The following CPEB2 variants were observed in gnomAD, a reference collection of about 807,000 sequenced individuals.
The protein encoded by CPEB2 is cytoplasmic polyadenylation element-binding protein 2.
Under a neutral mutation model 93.6 loss-of-function variants are expected in CPEB2, and 56 were observed. The observed-to-expected ratio is 0.60, with a 90% CI of 0.48 to 0.75. CPEB2 has a LOEUF of 0.75. Among genes scored for constraint, CPEB2 ranks in the 30% least tolerant of loss-of-function variants. The probability of loss-of-function intolerance (pLI) is 0.00; values close to 1 mark genes in which losing one functional copy is unlikely to be tolerated. For missense variants in CPEB2, 1,579 were observed against 1,395.1 expected (o/e 1.13, Z -2.10); for synonymous variants, 764 against 586.3 (o/e 1.30, Z -4.38).
chr4:15,056,286 G>A (rs1057284938), intron 8 of CPEB2, among the ~76,000 whole-genome samples: 5 of 152,130 alleles, frequency 3.3e-5, no homozygotes, highest in Non-Finnish European at 5.9e-5. Flanking sequence ...CTTGAACAGC[G>A]TTCCAGGCAG....
At chr4:15,046,839 T>C (rs1309396315) in intron 6 of CPEB2, among the ~76,000 whole-genome samples, 1 of 152,330 alleles carries the variant, frequency 6.6e-6, no homozygotes, top group Middle Eastern at 3.4e-3. Context: ...AATCCAATTA[T>C]TTTCATTCAC....
chr4:15,054,030 G>A, intron 7 of CPEB2, 98 bp from the exon 8 acceptor site: 3 of 701,158 alleles, frequency 4.3e-6, no homozygotes, highest in Non-Finnish European at 4.9e-6. Flanking sequence ...AAGGTATTTG[G>A]CACTTTTAAA....
chr4:15,003,870 GA>G lies in CPEB2; in HGVS notation c.1198del (p.Thr400ProfsTer58). 1 of 846,242 alleles carries G rather than the reference GA, an allele frequency of 1.2e-6. No homozygotes were observed. The highest frequency in any genetic ancestry group is 1.6e-6 in the Non-Finnish European group (1 of 641,836). The allele number at this position is 846,242 out of a possible 1,614,324, so 52.4% of individuals were successfully genotyped here. ...CACCCCAGCCCCAGCAGCCGCCGCC[GA>G]CCCAGCCGCAGCAGCAGCCGCCGCC... ...PPPQPQQPPP[T>X]QPQQQPPPPQ... On this transcript the variant is annotated frameshift_variant, in exon 1 of 12. Coordinates refer to ENST00000538197, the MANE Select transcript of CPEB2 (RefSeq NM_001177382.2). LOFTEE classifies it high-confidence loss of function.
chr4:15,062,247 A>G lies in CPEB2; in HGVS notation c.2864A>G (p.Asp955Gly). ...CGGTTTGTTCAGCTTCAGCATGGTGATATTGATAAACGTGTAAGTTGCATA... is the reference window on the plus strand; with the variant it reads ...CGGTTTGTTCAGCTTCAGCATGGTGGTATTGATAAACGTGTAAGTTGCATA... ...SARFVQLQHG[D>G]IDKRVEVKPY... The change falls in exon 11 of 12, where the codon GAT (aspartate) becomes GGT (glycine). Residue 955 changes from aspartate (D) to glycine (G), a missense_variant. Coordinates refer to ENST00000538197, the MANE Select transcript of CPEB2 (RefSeq NM_001177382.2). The G allele has an allele frequency of 6.2e-7, 1 of 1,609,388 alleles. No individual in the cohort carries two copies. Among genetic ancestry groups the G allele is most frequent in the South Asian group, 1.1e-5 (1 of 90,670 alleles).
intron 4 of CPEB2, among the ~76,000 whole-genome samples, chr4:15,019,742 A>G (rs1724607947): frequency 6.6e-6 from 1 of 152,148 alleles, no homozygotes; most frequent in African/African-American, 2.4e-5. Flanking sequence ...GTTGGAGGGT[A>G]AACTTTTAAA....
rs369515285 is a variant in CPEB2, at chr4:15,066,574, T to G, written c.*194T>G. ...TCACCAAAACCCTACATCTCAGGCT[T>G]ACTAATTTTTGTGATATTTTCATGT... On this transcript the variant is annotated 3_prime_UTR_variant, in exon 12 of 12. Transcript: ENST00000538197. 7 of 532,822 alleles carry G rather than the reference T, an allele frequency of 1.3e-5. No individual in the cohort carries two copies. The highest frequency in any genetic ancestry group is 1.1e-4 in the African/African-American group (6 of 52,258). 33.0% of individuals were successfully genotyped at this position (532,822 alleles called of 1,614,324 possible). A position where few individuals can be genotyped will look rare whatever the true frequency, so the allele number is the denominator to read the frequency against.
At chr4:15,020,981 G>A (rs1307447713) in intron 4 of CPEB2, among the ~76,000 whole-genome samples, 2 of 152,114 alleles carry the variant, frequency 1.3e-5, no homozygotes, top group Non-Finnish European at 2.9e-5. Flanking sequence ...GGGAGAAAGT[G>A]TCAATTAGAC....
chr4:15,003,040 C>T lies in CPEB2; in HGVS notation c.367C>T (p.Pro123Ser). The change falls in exon 1 of 12, where the codon CCC becomes TCC. Residue 123 changes from proline to serine, a missense_variant. Coordinates refer to ENST00000538197, the MANE Select transcript of CPEB2 (RefSeq NM_001177382.2). The part of the protein sequence containing the change: ...AATEKLPDHH[P>S]GGGTIAGVTH... ...CACGGAGAAACTCCCCGACCACCAC[C>T]CCGGCGGCGGCACGATCGCGGGTGT... is the stretch of plus-strand genomic sequence containing the variant. 2.0e-6 allele frequency: 3 copies of T among 1,511,366 alleles called. No homozygotes were observed. The highest frequency in any genetic ancestry group is 2.5e-5 in the South Asian group (2 of 80,784). 93.6% of individuals were successfully genotyped at this position (1,511,366 alleles called of 1,614,324 possible).
chr4:15,040,439 C>A (rs1436826406), intron 5 of CPEB2, 25 bp from the exon 6 acceptor site: 1 of 1,534,428 alleles, frequency 6.5e-7, no homozygotes, highest in Non-Finnish European at 8.7e-7. Flanking sequence ...TGACATTTTA[C>A]AATTTGTGCT....
intron 6 of CPEB2, among the ~76,000 whole-genome samples, chr4:15,040,845 T>G (rs1388372729): frequency 6.6e-6 from 1 of 152,200 alleles, no homozygotes; most frequent in Non-Finnish European, 1.5e-5. Context: ...TCTAAATGTG[T>G]AACTGTCATA....
At position 15,003,481 on chromosome 4, in the gene CPEB2, G is replaced by A. The variant is rs1392067738; in HGVS notation, c.808G>A (p.Ala270Thr). 6 of 1,396,328 alleles carry A rather than the reference G, an allele frequency of 4.3e-6. No homozygotes were observed. Among genetic ancestry groups the A allele is most frequent in the Middle Eastern group, 2.2e-4 (1 of 4,588 alleles). The allele number at this position is 1,396,328 out of a possible 1,614,324, so 86.5% of individuals were successfully genotyped here. ...PLPQLPPSPP[A>T]APRRRHGGAG... Reference sequence around the variant, plus strand: ...CCCGCAGCTCCCTCCCTCGCCGCCTGCAGCCCCGCGGCGCCGCCACGGAGG... The same window carrying A: ...CCCGCAGCTCCCTCCCTCGCCGCCTACAGCCCCGCGGCGCCGCCACGGAGG... Residue 270 changes from alanine (A) to threonine (T), a missense_variant, in exon 1 of 12, where the codon GCA becomes ACA. Ala to Thr is a moderately conservative substitution (Grantham distance 58). This residue lies in a region of CPEB2 where 1,411 missense variants were observed against 1,056.0 expected (regional missense o/e 1.34). Transcript: ENST00000538197.
At chr4:15,012,854 T>G (rs1296174929) in intron 3 of CPEB2, among the ~76,000 whole-genome samples, 1 of 152,094 alleles carries the variant, frequency 6.6e-6, no homozygotes, top group Non-Finnish European at 1.5e-5. Context: ...TATTTTTCTT[T>G]GGAAGAGTAC....
At chr4:15,021,964 C>T (rs1724860169) in intron 4 of CPEB2, among the ~76,000 whole-genome samples, 1 of 152,172 alleles carries the variant, frequency 6.6e-6, no homozygotes, top group Admixed American at 6.6e-5. Flanking sequence ...TTTTCTTCCA[C>T]TTTTCCCTCT....
intron 8 of CPEB2, among the ~76,000 whole-genome samples, chr4:15,054,746 G>C (rs77601302): frequency 6.6e-6 from 1 of 152,018 alleles, no homozygotes; most frequent in African/African-American, 2.4e-5. Context: ...CATGCAAGTC[G>C]CATGATCAAG....
chr4:15,066,176 A>G lies in CPEB2; in HGVS notation c.2901A>G (p.Leu967=), dbSNP rs1560259804. The G allele has an allele frequency of 6.2e-7, 1 of 1,613,464 alleles. No individual in the cohort carries two copies. The highest frequency in any genetic ancestry group is 8.5e-7 in the Non-Finnish European group (1 of 1,179,612). Residue 967 remains leucine (L), a synonymous_variant, in exon 12 of 12, where the codon CTA becomes CTG. Transcript: ENST00000538197. ...AGGTGGAGGTAAAGCCATATGTGCT[A>G]GATGACCAGATGTGTGATGAATGCC... The part of the protein sequence containing the change: ...DKRVEVKPYV[L]DDQMCDECQG...
In CPEB2 at chr4:15,003,754, C is replaced by T; in HGVS notation, c.1081C>T (p.Pro361Ser). 1 of 1,252,434 alleles carries T rather than the reference C, an allele frequency of 8.0e-7. No homozygotes were observed. Among genetic ancestry groups the T allele is most frequent in the Non-Finnish European group, 1.0e-6 (1 of 1,003,078 alleles). The allele number at this position is 1,252,434 out of a possible 1,614,324, so 77.6% of individuals were successfully genotyped here. ...GGGGGGGGGG[P>S]PGGGGGGGSA... ...CGGCGGCGGCGGCGGGGGCGGGGGG[C>T]CCCCAGGAGGCGGAGGGGGAGGCGG... The change falls in exon 1 of 12, where the codon CCC becomes TCC. Residue 361 changes from proline (P) to serine (S), a missense_variant. Coordinates refer to ENST00000538197, the MANE Select transcript of CPEB2 (RefSeq NM_001177382.2).
At chr4:15,004,692 C>A (rs1175644681) in intron 1 of CPEB2, among the ~76,000 whole-genome samples, 2 of 151,970 alleles carry the variant, frequency 1.3e-5, no homozygotes, top group East Asian at 3.9e-4. Flanking sequence ...GGCGTCTCAA[C>A]CCGGCCCTCC....
Position 15,033,171 on chromosome 4 carries a change from C to T in CPEB2, c.2136C>T (p.Ser712=). The T allele has an allele frequency of 1.2e-6, 2 of 1,604,228 alleles. No homozygotes were observed. The highest frequency in any genetic ancestry group is 1.7e-6 in the Non-Finnish European group (2 of 1,172,072). The part of the protein sequence containing the change: ...AEHDPLKGRL[S]YPHPGTDNLL... ...CCTGTCTTTTTAAAGGTCGATTGAG[C>T]TATCCACATCCAGGAACTGACAATC... The change falls in exon 5 of 12, where the codon AGC becomes AGT. Residue 712 remains serine, a synonymous_variant. Transcript: ENST00000538197.
chr4:15,022,635 G>GA (rs1376184237), intron 4 of CPEB2, among the ~76,000 whole-genome samples: 4 of 151,534 alleles, frequency 2.6e-5, no homozygotes, highest in Non-Finnish European at 4.4e-5. Flanking sequence ...CCTTTGATAG[G>GA]AAAAAAAATT....
Sources: allele counts gnomAD v4.1 joint callset (sites outside exome capture counted in the v4.1 genomes callset), GRCh38; gene constraint gnomAD v4.1.1; regional missense constraint gnomAD v4.1.1; transcripts MANE v1.5; gene names NCBI Gene and HGNC (gene_info 2026-07-23, HGNC 2026-07-21).